The following PCDHA5 variants were observed in gnomAD, a reference collection of about 807,000 sequenced individuals.
PCDHA5 encodes the protein protocadherin alpha-5.
In PCDHA5, 43 loss-of-function variants were observed where a neutral mutation model predicts 61.6. The observed-to-expected ratio is 0.70, with a 90% CI of 0.55 to 0.90. The LOEUF (loss-of-function observed/expected upper bound fraction) is 0.90. Ranked by LOEUF, PCDHA5 falls within the 40% of genes least tolerant of loss-of-function variation. PCDHA5 has a pLI of 0.00. For synonymous variants in PCDHA5, 627 were observed against 543.9 expected (o/e 1.15, Z -2.13); for missense variants, 1,298 against 1,222.7 (o/e 1.06, Z -0.92).
intron 1 of PCDHA5, chr5:140,829,943 G>T (rs1195178508): frequency 1.2e-6 from 2 of 1,613,992 alleles, no homozygotes; most frequent in Non-Finnish European, 1.7e-6. Flanking sequence ...GGCAAGCAGC[G>T]CTCGCTTCCC....
In PCDHA5 at chr5:140,869,539, A is replaced by G. The variant is rs782023058; in HGVS notation, c.2352+45412A>G. The G allele has an allele frequency of 2.5e-6, 4 of 1,614,088 alleles. No homozygotes were observed. The South Asian group carries it at 3.3e-5, about 13-fold the overall frequency. On this transcript the variant is annotated intron_variant, in intron 1 of 3. Coordinates refer to ENST00000529859, the MANE Select transcript of PCDHA5 (RefSeq NM_018908.3). ...ACAAAAGCTGCTGATTGCGGAATCT[A>G]AGCAATCGGACTCGCGTTTTCCACT...
In PCDHA5 at chr5:141,009,814, A is replaced by C. The variant is rs781835321; in HGVS notation, c.2688A>C (p.Lys896Asn). Residue 896 changes from lysine to asparagine, a missense_variant, in exon 4 of 4, where the codon AAA (lysine) becomes AAC (asparagine). By Grantham distance (94) the Lys-to-Asn change is moderately conservative. Coordinates refer to ENST00000529859, the MANE Select transcript of PCDHA5 (RefSeq NM_018908.3). ...RQEPTNSQID[K>N]SDFITFGKKE... ...AGCCTACTAACAGCCAAATTGACAA[A>C]AGTGACTTCATAACCTTCGGCAAAA... The C allele has an allele frequency of 6.2e-7, 1 of 1,614,124 alleles. No individual in the cohort carries two copies. The highest frequency in any genetic ancestry group is 8.5e-7 in the Non-Finnish European group (1 of 1,180,010).
At chr5:140,995,738 T>G (rs1441000111) in intron 3 of PCDHA5, among the ~76,000 whole-genome samples, 1 of 152,150 alleles carries the variant, frequency 6.6e-6, no homozygotes, top group Non-Finnish European at 1.5e-5. Context: ...CTGGTGGATT[T>G]GGTATATCAT....
chr5:140,997,100 T>G (rs1286807919), intron 3 of PCDHA5, among the ~76,000 whole-genome samples: 1 of 152,170 alleles, frequency 6.6e-6, no homozygotes, highest in Non-Finnish European at 1.5e-5. Flanking sequence ...AGAGTTCTCA[T>G]GCACTCCTGC....
In PCDHA5 at chr5:140,858,646, T is replaced by C. The variant is rs542211136; in HGVS notation, c.2352+34519T>C. 2.7e-5 allele frequency: 22 copies of C among 817,764 alleles called. 1 individual carries two copies. In the African/African-American group the frequency reaches 3.5e-4, roughly 13 times the overall value. 50.7% of individuals were successfully genotyped at this position (817,764 alleles called of 1,614,324 possible). A position where few individuals can be genotyped will look rare whatever the true frequency, so the allele number is the denominator to read the frequency against. On this transcript the variant is annotated intron_variant, in intron 1 of 3. Coordinates refer to ENST00000529859, the MANE Select transcript of PCDHA5 (RefSeq NM_018908.3). ...AGTGTGTCAGCCTTTGATTGGTACT[T>C]AAATTTTTTTAAATAACAATTTATT...
intron 1 of PCDHA5, among the ~76,000 whole-genome samples, chr5:140,960,972 T>C (rs936519951): frequency 6.6e-6 from 1 of 152,188 alleles, no homozygotes; most frequent in South Asian, 2.1e-4. Flanking sequence ...GCAGTTGCAA[T>C]TCTTGTTCCA....
chr5:140,898,593 C>A (rs1236439193), intron 1 of PCDHA5, among the ~76,000 whole-genome samples: 13 of 152,146 alleles, frequency 8.5e-5, no homozygotes, highest in Admixed American at 1.3e-4. Flanking sequence ...GTTACTGTAG[C>A]CTTGTAGTAT....
chr5:140,910,965 C>T (rs1554194514), intron 1 of PCDHA5, among the ~76,000 whole-genome samples: 1 of 152,098 alleles, frequency 6.6e-6, no homozygotes, highest in Non-Finnish European at 1.5e-5. Context: ...TAGCACACCT[C>T]CTCATGGGTT....
At chr5:140,885,737 A>G (rs1347685899) in intron 1 of PCDHA5, among the ~76,000 whole-genome samples, 1 of 152,222 alleles carries the variant, frequency 6.6e-6, no homozygotes, top group South Asian at 2.1e-4. Context: ...ATGATATTTC[A>G]CTGTTACTTT....
intron 3 of PCDHA5, among the ~76,000 whole-genome samples, chr5:140,988,083 G>A (rs957131929): frequency 1.3e-5 from 2 of 152,292 alleles, no homozygotes; most frequent in Middle Eastern, 3.4e-3. Context: ...TCATGAGTGA[G>A]TGCAGCCTCG....
At chr5:140,969,945 A>G (rs2096371634) in intron 1 of PCDHA5, among the ~76,000 whole-genome samples, 1 of 152,214 alleles carries the variant, frequency 6.6e-6, no homozygotes, top group South Asian at 2.1e-4. Flanking sequence ...TACTGAAGCT[A>G]AAGTTTGCTT....
intron 1 of PCDHA5, among the ~76,000 whole-genome samples, chr5:140,855,264 T>C (rs560224323): frequency 1.3e-5 from 2 of 149,870 alleles, no homozygotes; most frequent in South Asian, 4.2e-4. Context: ...TATATTATAA[T>C]TCACTCAACC....
At chr5:140,984,964 G>A (rs930753325) in intron 3 of PCDHA5, among the ~76,000 whole-genome samples, 1 of 151,936 alleles carries the variant, frequency 6.6e-6, no homozygotes. Context: ...TTGAGACAGA[G>A]TCTCGCTCTG....
chr5:140,928,959 T>C (rs782250969), intron 1 of PCDHA5: 1 of 1,613,980 alleles, frequency 6.2e-7, no homozygotes, highest in South Asian at 1.1e-5. Context: ...TTGCCTTGGC[T>C]TGTATTTCCT....
intron 1 of PCDHA5, among the ~76,000 whole-genome samples, chr5:140,919,122 T>G (rs879989359): frequency 6.6e-6 from 1 of 152,224 alleles, no homozygotes; most frequent in African/African-American, 2.4e-5. Context: ...AGTTTTTGCT[T>G]CATGTGTTTT....
rs1432182351 is a variant in PCDHA5 at position 140,843,140 on chromosome 5, C to T, written c.2352+19013C>T. 4 of 1,596,022 alleles carry T rather than the reference C, an allele frequency of 2.5e-6. No homozygotes were observed. The East Asian group carries it at 8.9e-5, about 36-fold the overall frequency. On this transcript the variant is annotated intron_variant, in intron 1 of 3. Transcript: ENST00000529859. The stretch of plus-strand genomic sequence containing the variant: ...CGCCGACTCGGGCTACAACGCGTGG[C>T]TTTCGTATGAGCTGCAGCCAGCTGC...
intron 1 of PCDHA5, chr5:140,867,711 G>T (rs1202135456): frequency 2.0e-5 from 3 of 151,816 alleles, no homozygotes; most frequent in Non-Finnish European, 2.9e-5. Flanking sequence ...AATCCTAAGG[G>T]TATATGAAAA....
rs782343997 is a variant in PCDHA5 at position 140,882,709 on chromosome 5, T to C, written c.2352+58582T>C. 6 of 1,614,022 alleles carry C rather than the reference T, an allele frequency of 3.7e-6. No homozygotes were observed. In the Admixed American group the frequency reaches 6.7e-5, roughly 18 times the overall value. ...GAATAATCATTGCAGAATCTAGACC[T>C]CCGGAAACTCGATTTCCACTAGATG... is the stretch of plus-strand genomic sequence containing the variant. On this transcript the variant is annotated intron_variant, in intron 1 of 3. Coordinates refer to ENST00000529859, the MANE Select transcript of PCDHA5 (RefSeq NM_018908.3).
chr5:140,836,116 G>C, intron 1 of PCDHA5: 3 of 1,613,762 alleles, frequency 1.9e-6, no homozygotes, highest in Non-Finnish European at 2.5e-6. Flanking sequence ...GGCGCAGTGA[G>C]AGAGCTTGTG....
Sources: gnomAD v4.1 joint callset for allele counts (sites outside exome capture counted in the v4.1 genomes callset) on GRCh38, gnomAD v4.1.1 for gene constraint, MANE v1.5 for transcripts, NCBI Gene and HGNC (gene_info 2026-07-23, HGNC 2026-07-21) for gene names.